The following NKAIN2 variants were observed in gnomAD, a reference collection of about 807,000 sequenced individuals.
The protein encoded by NKAIN2 is sodium/potassium transporting ATPase interacting 2.
NKAIN2 carries 14 observed loss-of-function variants against 32.6 expected under a neutral mutation model. That is an observed-to-expected ratio of 0.43 (90% CI 0.28 to 0.67). The LOEUF (loss-of-function observed/expected upper bound fraction) is 0.67, where lower values mean the gene tolerates loss of function less well. Among genes scored for constraint, NKAIN2 ranks in the 30% least tolerant of loss-of-function variants. The pLI, the probability that NKAIN2 is intolerant of heterozygous loss-of-function variation, is 0.17. For synonymous variants in NKAIN2, 80 were observed against 87.2 expected, an observed-to-expected ratio of 0.92 and a Z score of 0.46; for missense variants, 198 against 258.3, an observed-to-expected ratio of 0.77 and a Z score of 1.60.
intron 3 of NKAIN2, among the ~76,000 whole-genome samples, chr6:124,434,819 T>A (rs1478382839): frequency 6.6e-6 from 1 of 152,138 alleles, no homozygotes. Flanking sequence ...AAGCCATGCC[T>A]TGTAGGGTCA....
At chr6:124,650,639 T>C (rs1784335903) in intron 3 of NKAIN2, among the ~76,000 whole-genome samples, 1 of 152,120 alleles carries the variant, frequency 6.6e-6, no homozygotes, top group Non-Finnish European at 1.5e-5. Context: ...CCCACTCCCA[T>C]GGTGGCAACA....
chr6:124,735,481 AAGT>A (rs1776890519), intron 4 of NKAIN2, among the ~76,000 whole-genome samples: 1 of 152,088 alleles, frequency 6.6e-6, no homozygotes, highest in East Asian at 1.9e-4. Flanking sequence ...AAAAAAATAA[AAGT>A]AGTGGTAGAT....
intron 1 of NKAIN2, among the ~76,000 whole-genome samples, chr6:123,809,616 G>T (rs963265454): frequency 6.6e-6 from 1 of 151,900 alleles, no homozygotes; most frequent in Non-Finnish European, 1.5e-5. Flanking sequence ...AATTTGTTAC[G>T]CTTTTTCTTT....
intron 3 of NKAIN2, among the ~76,000 whole-genome samples, chr6:124,555,228 T>C (rs1780429271): frequency 6.6e-6 from 1 of 152,072 alleles, no homozygotes; most frequent in African/African-American, 2.4e-5. Context: ...TGGCAATTGG[T>C]CCCTGATGCC....
chr6:123,909,962 A>C (rs1775089392), intron 1 of NKAIN2, among the ~76,000 whole-genome samples: 1 of 152,260 alleles, frequency 6.6e-6, no homozygotes, highest in African/African-American at 2.4e-5. Context: ...CTGAAGTGAA[A>C]TTTATATTTT....
At chr6:124,183,685 C>G (rs1582808070) in intron 1 of NKAIN2, among the ~76,000 whole-genome samples, 1 of 152,200 alleles carries the variant, frequency 6.6e-6, no homozygotes, top group Non-Finnish European at 1.5e-5. Context: ...TTTTATATCC[C>G]TCCTAATAAA....
intron 3 of NKAIN2, among the ~76,000 whole-genome samples, chr6:124,384,402 A>C (rs369238584): frequency 1.4e-4 from 22 of 152,242 alleles, no homozygotes; most frequent in African/African-American, 5.3e-4. Flanking sequence ...GCACAGGATT[A>C]CTCTATATCA....
At chr6:124,127,913 G>A (rs1410709983) in intron 1 of NKAIN2, among the ~76,000 whole-genome samples, 1 of 152,012 alleles carries the variant, frequency 6.6e-6, no homozygotes, top group East Asian at 1.9e-4. Context: ...TGCACCCTCC[G>A]TCTTCTTAGT....
intron 1 of NKAIN2, among the ~76,000 whole-genome samples, chr6:123,923,196 C>T (rs1162630756): frequency 1.3e-5 from 2 of 152,132 alleles, no homozygotes; most frequent in Admixed American, 1.3e-4. Flanking sequence ...GTAATGCCAG[C>T]TACCATATTA....
intron 4 of NKAIN2, among the ~76,000 whole-genome samples, chr6:124,760,233 G>A (rs1231129769): frequency 1.3e-5 from 2 of 151,938 alleles, no homozygotes; most frequent in African/African-American, 4.8e-5. Context: ...GGGAACAATA[G>A]ACACTGGCGT....
chr6:124,596,376 A>T (rs1454066733), intron 3 of NKAIN2, among the ~76,000 whole-genome samples: 2 of 152,146 alleles, frequency 1.3e-5, no homozygotes, highest in African/African-American at 4.8e-5. Context: ...CATGAGAGGA[A>T]TACTGTGTGA....
intron 3 of NKAIN2, among the ~76,000 whole-genome samples, chr6:124,530,613 C>T (rs1262183913): frequency 6.6e-6 from 1 of 152,098 alleles, no homozygotes; most frequent in East Asian, 1.9e-4. Flanking sequence ...TGGGAAATTG[C>T]TTATTTGGTT....
chr6:124,148,757 C>A (rs1787555965), intron 1 of NKAIN2, among the ~76,000 whole-genome samples: 1 of 152,232 alleles, frequency 6.6e-6, no homozygotes, highest in East Asian at 1.9e-4. Flanking sequence ...TTTTGGCCAT[C>A]ATGAATAATT....
intron 1 of NKAIN2, among the ~76,000 whole-genome samples, chr6:123,811,494 G>C (rs1773470911): frequency 6.6e-6 from 1 of 152,178 alleles, no homozygotes; most frequent in Non-Finnish European, 1.5e-5. Context: ...TAAGTTAGAA[G>C]CTGGATTTTA....
At chr6:124,411,090 G>A (rs1315126954) in intron 3 of NKAIN2, among the ~76,000 whole-genome samples, 1 of 151,156 alleles carries the variant, frequency 6.6e-6, no homozygotes, top group East Asian at 2.0e-4. Flanking sequence ...CACGTGAGAT[G>A]GGTTTCCTGA....
intron 1 of NKAIN2, among the ~76,000 whole-genome samples, chr6:123,963,305 T>C (rs1777934412): frequency 1.3e-5 from 2 of 152,174 alleles, no homozygotes; most frequent in South Asian, 4.1e-4. Flanking sequence ...GATAAAACTC[T>C]TCCCTTCATT....
intron 1 of NKAIN2, among the ~76,000 whole-genome samples, chr6:124,067,068 A>G (rs562213336): frequency 9.9e-5 from 15 of 152,156 alleles, no homozygotes; most frequent in Non-Finnish European, 2.1e-4. Context: ...CAAGAGCATC[A>G]CATGGTAGGT....
intron 1 of NKAIN2, among the ~76,000 whole-genome samples, chr6:124,059,938 C>A (rs1005022531): frequency 2.4e-4 from 36 of 152,212 alleles, no homozygotes; most frequent in Middle Eastern, 3.4e-3. Flanking sequence ...AAGCAGAGTA[C>A]CTTGTGAAAC....
chr6:124,236,587 G>A (rs919845676), intron 1 of NKAIN2, among the ~76,000 whole-genome samples: 21 of 152,194 alleles, frequency 1.4e-4, no homozygotes, highest in Admixed American at 1.2e-3. Context: ...GTAAATTGGA[G>A]TTAAACTATG....
Sources: gnomAD v4.1 joint callset for allele counts (sites outside exome capture counted in the v4.1 genomes callset) on GRCh38, gnomAD v4.1.1 for gene constraint, MANE v1.5 for transcripts, NCBI Gene and HGNC (gene_info 2026-07-23, HGNC 2026-07-21) for gene names.